Variants in PAX5 observed in about 807,000 individuals in gnomAD.
The protein encoded by PAX5 is paired box protein Pax-5.
Under a neutral mutation model 43.7 loss-of-function variants are expected in PAX5, and 9 were observed. The ratio of observed to expected loss-of-function variants is 0.21; its 90% CI spans 0.12 to 0.36. The LOEUF is 0.36. Among genes scored for constraint, PAX5 ranks in the 10% least tolerant of loss-of-function variants. PAX5 has a pLI of 1.00. For missense variants in PAX5, 383 were observed against 532.7 expected, an observed-to-expected ratio of 0.72 and a Z score of 2.77; for synonymous variants, 228 against 214.3, an observed-to-expected ratio of 1.06 and a Z score of -0.56.
chr9:36,966,104 A>G (rs7875103), intron 6 of PAX5, among the ~76,000 whole-genome samples: 22,442 of 152,270 alleles, frequency 0.15, 1,914 homozygotes, highest in African/African-American at 0.23. Context: ...GTGAGAGGGC[A>G]GACAGTGGGA....
At chr9:37,012,348 C>G (rs1839004183) in intron 3 of PAX5, among the ~76,000 whole-genome samples, 1 of 152,210 alleles carries the variant, frequency 6.6e-6, no homozygotes, top group Admixed American at 6.5e-5. Context: ...ATGTCTATCT[C>G]CAAGTCACTG....
rs1182169983 is a variant in PAX5, at chr9:36,834,707, C to A, written c.*5853G>T. On this transcript the variant is annotated 3_prime_UTR_variant, in exon 10 of 10. Coordinates refer to ENST00000358127, the MANE Select transcript of PAX5 (RefSeq NM_016734.3). ...TTTCTGTTCCACTCCAAGGGAAATG[C>A]GCCGTTTGTAAATCAAAAATCCATC... The A allele has an allele frequency of 4.3e-6, 1 of 233,048 alleles. No individual in the cohort carries two copies. Among genetic ancestry groups the A allele is most frequent in the Admixed American group, 5.6e-5 (1 of 17,772 alleles). 14.4% of individuals were successfully genotyped at this position (233,048 alleles called of 1,614,324 possible).
chr9:36,926,906 A>G (rs1386833106), intron 6 of PAX5, among the ~76,000 whole-genome samples: 1 of 152,216 alleles, frequency 6.6e-6, no homozygotes, highest in African/African-American at 2.4e-5. Flanking sequence ...GCACAGAGTC[A>G]TTAATGTATA....
chr9:36,847,039 A>C, intron 8 of PAX5, 110 bp from the exon 9 acceptor site: 1 of 688,072 alleles, frequency 1.5e-6, no homozygotes, highest in Admixed American at 2.4e-5. Context: ...CTCTTCCGTG[A>C]GTTGCAGGCG....
chr9:37,017,342 G>A (rs1588239178), intron 2 of PAX5, among the ~76,000 whole-genome samples: 1 of 152,326 alleles, frequency 6.6e-6, no homozygotes, highest in East Asian at 1.9e-4. Flanking sequence ...TCTGTAGTTA[G>A]GGACAGCCCC....
chr9:36,998,924 T>A (rs954092978), intron 5 of PAX5, among the ~76,000 whole-genome samples: 8 of 152,190 alleles, frequency 5.3e-5, no homozygotes, highest in Admixed American at 5.2e-4. Context: ...TTAAAATTAA[T>A]TCCACTTGTT....
intron 6 of PAX5, among the ~76,000 whole-genome samples, chr9:36,934,738 C>A (rs1048035996): frequency 3.3e-5 from 5 of 152,138 alleles, no homozygotes; most frequent in African/African-American, 1.2e-4. Flanking sequence ...CTCTCTGCCA[C>A]AGCACTTATT....
chr9:36,980,479 C>A (rs1835818635), intron 5 of PAX5, among the ~76,000 whole-genome samples: 1 of 152,126 alleles, frequency 6.6e-6, no homozygotes, highest in African/African-American at 2.4e-5. Flanking sequence ...CCGCATTGCA[C>A]TGCCTCCCAG....
At chr9:36,847,111 G>C (rs757761041) in intron 8 of PAX5, among the ~76,000 whole-genome samples, 182 bp from the exon 9 acceptor site, 62 of 152,176 alleles carry the variant, frequency 4.1e-4, no homozygotes, top group Non-Finnish European at 8.1e-4. Flanking sequence ...GCTGTCACTG[G>C]CATTGTCTGT....
At chr9:36,899,158 C>T (rs977321835) in intron 7 of PAX5, among the ~76,000 whole-genome samples, 8 of 152,180 alleles carry the variant, frequency 5.3e-5, no homozygotes, top group African/African-American at 1.2e-4. Context: ...CAAATGTTGC[C>T]GCAGAGTCCT....
At chr9:37,009,713 T>A (rs994612134) in intron 3 of PAX5, among the ~76,000 whole-genome samples, 1 of 152,126 alleles carries the variant, frequency 6.6e-6, no homozygotes, top group African/African-American at 2.4e-5. Flanking sequence ...AAAGAATAAA[T>A]GTTTGAGGGG....
At chr9:36,848,350 C>CCCCACACACACACACACACACACA (rs1554646826) in intron 8 of PAX5, among the ~76,000 whole-genome samples, 26 of 136,462 alleles carry the variant, frequency 1.9e-4, no homozygotes, top group Middle Eastern at 3.5e-3. Context: ...CAGAGCGTGT[C>CCCCACACACACACACACACACACA]CACACACACA....
intron 8 of PAX5, among the ~76,000 whole-genome samples, chr9:36,865,682 G>A (rs1472984506): frequency 1.3e-5 from 2 of 152,212 alleles, no homozygotes; most frequent in Non-Finnish European, 2.9e-5. Context: ...GACTTCACTA[G>A]CGGAGTTTAT....
chr9:36,929,692 G>GCAAC (rs550036669), intron 6 of PAX5, among the ~76,000 whole-genome samples: 3 of 152,350 alleles, frequency 2.0e-5, no homozygotes, highest in African/African-American at 7.2e-5. Context: ...CCACTGCAAT[G>GCAAC]CAACCATTGG....
At chr9:36,916,364 A>T (rs1829727548) in intron 7 of PAX5, among the ~76,000 whole-genome samples, 1 of 152,178 alleles carries the variant, frequency 6.6e-6, no homozygotes, top group South Asian at 2.1e-4. Context: ...CAGATATTTT[A>T]AAATATGCTA....
At chr9:36,964,596 A>C (rs1045489312) in intron 6 of PAX5, among the ~76,000 whole-genome samples, 2 of 146,454 alleles carry the variant, frequency 1.4e-5, no homozygotes, top group African/African-American at 2.5e-5. Context: ...CCAGCTCACA[A>C]AAAAAAAAAA....
At chr9:36,896,639 C>T (rs1827895961) in intron 7 of PAX5, among the ~76,000 whole-genome samples, 1 of 152,184 alleles carries the variant, frequency 6.6e-6, no homozygotes, top group Non-Finnish European at 1.5e-5. Flanking sequence ...ACAGAATCAC[C>T]GGCTGCTTTT....
intron 8 of PAX5, among the ~76,000 whole-genome samples, chr9:36,860,693 G>T (rs78340605): frequency 0.016 from 2,488 of 152,230 alleles, 69 homozygotes; most frequent in African/African-American, 0.058. Flanking sequence ...AGTTCCCACG[G>T]CCTCTGAAAT....
chr9:36,971,689 G>A (rs1834936901), intron 5 of PAX5, among the ~76,000 whole-genome samples: 2 of 152,190 alleles, frequency 1.3e-5, no homozygotes, highest in Admixed American at 1.3e-4. Flanking sequence ...GTCAACCATG[G>A]CTCGTAGAAT....
Sources: allele counts gnomAD v4.1 joint callset (sites outside exome capture counted in the v4.1 genomes callset), GRCh38; gene constraint gnomAD v4.1.1; transcripts MANE v1.5; gene names NCBI Gene and HGNC (gene_info 2026-07-23, HGNC 2026-07-21).